WFDC11: variants seen among roughly 807,000 people sequenced by gnomAD.
WFDC11 encodes WAP four-disulfide core domain 11, also known as protein WFDC11.
Under a neutral mutation model 9.9 loss-of-function variants are expected in WFDC11, and 9 were observed. The observed-to-expected ratio is 0.91, with a 90% CI of 0.55 to 1.58. The LOEUF (loss-of-function observed/expected upper bound fraction) is 1.58, where lower values mean the gene tolerates loss of function less well. WFDC11 is among the 40% of genes most tolerant of loss of function. WFDC11 has a pLI of 0.00. For missense variants in WFDC11, 106 were observed against 101.7 expected, an observed-to-expected ratio of 1.04 and a Z score of -0.18; for synonymous variants, 32 against 33.3, an observed-to-expected ratio of 0.96 and a Z score of 0.13.
At position 45,648,676 on chromosome 20, in the gene WFDC11, T is replaced by C. The variant is rs1014488581; in HGVS notation, c.*43A>G. The C allele has an allele frequency of 1.9e-6, 3 of 1,613,072 alleles. No individual in the cohort carries two copies. The highest frequency in any genetic ancestry group is 2.5e-6 in the Non-Finnish European group (3 of 1,179,108). On this transcript the variant is annotated 3_prime_UTR_variant, in exon 5 of 5. Transcript: ENST00000324384. The stretch of plus-strand genomic sequence containing the variant: ...TACTACTATGAGACCTCTTAAACAT[T>C]TCCCAGCCCACACAGGTGGCAGCCT...
intron 2 of WFDC11, among the ~76,000 whole-genome samples, chr20:45,657,133 C>A (rs1012302163): frequency 6.6e-6 from 1 of 152,028 alleles, no homozygotes; most frequent in Admixed American, 6.6e-5. Context: ...CACATGCACA[C>A]GTATGTTTAT....
At chr20:45,652,594 A>G (rs147516547) in intron 2 of WFDC11, among the ~76,000 whole-genome samples, 7 of 152,352 alleles carry the variant, frequency 4.6e-5, no homozygotes, top group Non-Finnish European at 1.0e-4. Context: ...AATGACTTTG[A>G]TGAGTTGAGA....
At chr20:45,664,072 G>A (rs969808975) in intron 2 of WFDC11, among the ~76,000 whole-genome samples, 10 of 152,114 alleles carry the variant, frequency 6.6e-5, no homozygotes, top group African/African-American at 2.2e-4. Flanking sequence ...TCTCTTTGCA[G>A]GTCTCTAAGG....
At chr20:45,657,906 A>G (rs1021437309) in intron 2 of WFDC11, among the ~76,000 whole-genome samples, 2 of 152,228 alleles carry the variant, frequency 1.3e-5, no homozygotes, top group African/African-American at 4.8e-5. Context: ...CATAGAACAT[A>G]GTGAAAATAT....
intron 2 of WFDC11, among the ~76,000 whole-genome samples, chr20:45,663,557 G>T (rs1211233356): frequency 1.3e-5 from 2 of 151,968 alleles, no homozygotes; most frequent in Non-Finnish European, 1.5e-5. Context: ...TTCTCTTGTG[G>T]GCATTTAGTG....
At chr20:45,661,735 C>T (rs532329651) in intron 2 of WFDC11, among the ~76,000 whole-genome samples, 64 of 151,986 alleles carry the variant, frequency 4.2e-4, no homozygotes, top group Admixed American at 2.2e-3. Context: ...TGTAGATATG[C>T]GGCGTTATTA....
intron 2 of WFDC11, among the ~76,000 whole-genome samples, chr20:45,654,532 A>G (rs532576770): frequency 6.6e-6 from 1 of 152,340 alleles, no homozygotes; most frequent in African/African-American, 2.4e-5. Context: ...CTAGAGAAGC[A>G]AGAGCAAACA....
intron 2 of WFDC11, among the ~76,000 whole-genome samples, chr20:45,657,325 T>C (rs1600938881): frequency 1.3e-5 from 2 of 150,990 alleles, no homozygotes; most frequent in South Asian, 4.2e-4. Flanking sequence ...CAGCAAACTA[T>C]CGCAAGGACA....
At chr20:45,667,512 C>T (rs1983210624) in intron 1 of WFDC11, among the ~76,000 whole-genome samples, 1 of 152,128 alleles carries the variant, frequency 6.6e-6, no homozygotes. Flanking sequence ...CATAAAGTCT[C>T]ATCCATCTTT....
intron 2 of WFDC11, among the ~76,000 whole-genome samples, chr20:45,664,304 C>A (rs1983140231): frequency 6.6e-6 from 1 of 151,988 alleles, no homozygotes; most frequent in African/African-American, 2.4e-5. Flanking sequence ...TTATTTTGAG[C>A]CTATGTGTGT....
intron 3 of WFDC11, among the ~76,000 whole-genome samples, chr20:45,650,090 A>G (rs1322723844): frequency 6.6e-6 from 1 of 152,208 alleles, no homozygotes; most frequent in East Asian, 1.9e-4. Flanking sequence ...GACAAAGTAT[A>G]TGCAGCTAGG....
At chr20:45,655,649 G>C (rs185443198) in intron 2 of WFDC11, among the ~76,000 whole-genome samples, 94 of 152,322 alleles carry the variant, frequency 6.2e-4, no homozygotes, top group African/African-American at 2.2e-3. Context: ...AATTGTCCCT[G>C]TTTGCAGATG....
chr20:45,659,074 G>A (rs1422257136), intron 2 of WFDC11, among the ~76,000 whole-genome samples: 1 of 152,276 alleles, frequency 6.6e-6, no homozygotes, highest in African/African-American at 2.4e-5. Flanking sequence ...AGTATTCCAT[G>A]GTGTATATGT....
chr20:45,653,777 A>C (rs1982861779), intron 2 of WFDC11, among the ~76,000 whole-genome samples: 1 of 152,216 alleles, frequency 6.6e-6, no homozygotes, highest in Non-Finnish European at 1.5e-5. Context: ...CAGGGGTTGC[A>C]ATCCTAGTCT....
At chr20:45,656,632 C>T (rs986296538) in intron 2 of WFDC11, among the ~76,000 whole-genome samples, 1 of 151,590 alleles carries the variant, frequency 6.6e-6, no homozygotes, top group East Asian at 1.9e-4. Flanking sequence ...AGGAAACTAC[C>T]ATCAGAGTGA....
chr20:45,657,758 A>G, intron 2 of WFDC11, among the ~76,000 whole-genome samples: 1 of 152,182 alleles, frequency 6.6e-6, no homozygotes, highest in Non-Finnish European at 1.5e-5. Context: ...AGTATTAAAT[A>G]CATTACATGA....
intron 2 of WFDC11, among the ~76,000 whole-genome samples, chr20:45,665,406 G>T (rs1173850407): frequency 6.6e-6 from 1 of 152,150 alleles, no homozygotes; most frequent in African/African-American, 2.4e-5. Context: ...ACCTTCTGAA[G>T]CCTACTTCTG....
In WFDC11 at chr20:45,665,896, G is replaced by T. The variant is rs1313315360; in HGVS notation, c.-52+1192C>A. On this transcript the variant is annotated intron_variant, in intron 2 of 4. Coordinates refer to ENST00000324384, the MANE Select transcript of WFDC11 (RefSeq NM_147197.2). ...AGGGGTCAGGGACCCACTTGAGGAG[G>T]TAGTCTGTCTGTTCTCAGAGCTCAA... is the stretch of plus-strand genomic sequence containing the variant. 2.0e-5 allele frequency among the ~76,000 whole-genome samples: 3 copies of T among 152,302 alleles called. No homozygotes were observed. In the East Asian group the frequency reaches 5.8e-4, roughly 29 times the overall value.
At chr20:45,664,367 CTT>C (rs1324654288) in intron 2 of WFDC11, among the ~76,000 whole-genome samples, 3 of 152,156 alleles carry the variant, frequency 2.0e-5, no homozygotes, top group Non-Finnish European at 2.9e-5. Context: ...GGTCTTAACT[CTT>C]TATCCAATTT....
Sources: allele counts gnomAD v4.1 joint callset (sites outside exome capture counted in the v4.1 genomes callset), GRCh38; gene constraint gnomAD v4.1.1; transcripts MANE v1.5; gene names NCBI Gene and HGNC (gene_info 2026-07-23, HGNC 2026-07-21).